The following PRMT7 variants were observed in gnomAD, a reference collection of about 807,000 sequenced individuals.
PRMT7 encodes protein arginine methyltransferase 7.
Under a neutral mutation model 85.4 loss-of-function variants are expected in PRMT7, and 75 were observed. That is an observed-to-expected ratio of 0.88 (90% CI 0.73 to 1.06). The LOEUF (loss-of-function observed/expected upper bound fraction) is 1.06, where lower values mean the gene tolerates loss of function less well. PRMT7 is among the 50% of genes least tolerant of loss of function. The probability of loss-of-function intolerance (pLI) is 0.00; values close to 1 mark genes in which losing one functional copy is unlikely to be tolerated. For missense variants in PRMT7, 868 were observed against 915.2 expected (o/e 0.95, Z 0.67); for synonymous variants, 397 against 359.5 (o/e 1.10, Z -1.18).
At chr16:68,358,716 CCTTT>C (rs2089006769), downstream of PRMT7, 2 of 152,532 alleles carry the variant, frequency 1.3e-5, no homozygotes, top group African/African-American at 2.4e-5. Context: ...CTTGTGGCTT[CCTTT>C]GAGACTGGGC....
intron 11 of PRMT7, among the ~76,000 whole-genome samples, chr16:68,346,857 G>C (rs2151835648): frequency 6.6e-6 from 1 of 152,240 alleles, no homozygotes; most frequent in Admixed American, 6.5e-5. Context: ...CTTGCCTTTG[G>C]GCAGTCAATT....
At chr16:68,353,151 A>G (rs1204947362) in intron 15 of PRMT7, among the ~76,000 whole-genome samples, 1 of 151,894 alleles carries the variant, frequency 6.6e-6, no homozygotes, top group Non-Finnish European at 1.5e-5. Flanking sequence ...CATCCTCATG[A>G]ACTGGAGATG....
At chr16:68,334,699 C>A (rs2084396707) in intron 6 of PRMT7, among the ~76,000 whole-genome samples, 1 of 152,144 alleles carries the variant, frequency 6.6e-6, no homozygotes, top group South Asian at 2.1e-4. Context: ...GACTCCCCCA[C>A]CCCGTGCCCT....
At position 68,357,063 on chromosome 16, in the gene PRMT7, T is replaced by C; in HGVS notation, c.1918T>C (p.Cys640Arg). Reference sequence around the variant, plus strand: ...GCTCTTCTTCCTACAGGGGGGCTGCTGCTGGAACCCCCACTGCAAGCAGGC... The same window carrying C: ...GCTCTTCTTCCTACAGGGGGGCTGCCGCTGGAACCCCCACTGCAAGCAGGC... ...LEPADPEGGCCWNPHCKQAVY... is the reference protein window; with the variant it reads ...LEPADPEGGCRWNPHCKQAVY... The change falls in exon 19 of 19, where the codon TGC becomes CGC. Residue 640 changes from cysteine (C) to arginine (R), a missense_variant. Transcript: ENST00000441236. 6.2e-7 allele frequency: 1 copy of C among 1,608,104 alleles called. No homozygotes were observed. Among genetic ancestry groups the C allele is most frequent in the Non-Finnish European group, 8.5e-7 (1 of 1,177,052 alleles).
rs767111997 is a variant in PRMT7, at chr16:68,345,671, T to G, written c.928-4T>G. The G allele has an allele frequency of 6.2e-6, 10 of 1,613,536 alleles. No homozygotes were observed. Among genetic ancestry groups the G allele is most frequent in the African/African-American group, 1.3e-5 (1 of 74,930 alleles). ...TTGACAGCTGACTCTGTTCTCCGTT[T>G]CAGTGGCGGGACCACTGGATGCAGT... On this transcript the variant is annotated splice_polypyrimidine_tract_variant and splice_region_variant and intron_variant, in intron 9 of 18. Coordinates refer to ENST00000441236, the MANE Select transcript of PRMT7 (RefSeq NM_019023.5).
chr16:68,339,795 T>C lies in PRMT7; in HGVS notation c.754T>C (p.Phe252Leu). 1 of 1,613,556 alleles carries C rather than the reference T, an allele frequency of 6.2e-7. No individual in the cohort carries two copies. The highest frequency in any genetic ancestry group is 8.5e-7 in the Non-Finnish European group (1 of 1,179,406). ...SDVLPMFSIDFSKQVSSSAAC... is the reference protein window; with the variant it reads ...SDVLPMFSIDLSKQVSSSAAC... ...TTGAATATTATTCCTCAGCATAGAC[T>C]TCAGCAAGCAAGTCAGTAGCTCAGC... The change falls in exon 9 of 19, where the codon TTC (phenylalanine) becomes CTC (leucine). Residue 252 changes from phenylalanine (F) to leucine (L), a missense_variant. Phe to Leu is a conservative substitution (Grantham distance 22). Transcript: ENST00000441236.
At chr16:68,345,300 A>G (rs1400789936) in intron 9 of PRMT7, among the ~76,000 whole-genome samples, 1 of 152,236 alleles carries the variant, frequency 6.6e-6, no homozygotes, top group Non-Finnish European at 1.5e-5. Context: ...GGTTCCCCTT[A>G]AACCACTAGG....
chr16:68,345,838 CTGAGACT>C (rs1259535642), intron 10 of PRMT7, 36 bp downstream of exon 10: 1 of 1,611,712 alleles, frequency 6.2e-7, no homozygotes, highest in African/African-American at 1.3e-5. Flanking sequence ...GGATGAGCCT[CTGAGACT>C]TGTATGTAAA....
At chr16:68,335,517 CAG>C (rs2084540638) in intron 6 of PRMT7, among the ~76,000 whole-genome samples, 1 of 151,898 alleles carries the variant, frequency 6.6e-6, no homozygotes, top group African/African-American at 2.4e-5. Flanking sequence ...TGGCAGAAGA[CAG>C]AAGTTTCTTC....
chr16:68,359,408 C>G (rs2089096745), downstream of PRMT7: 1 of 152,708 alleles, frequency 6.5e-6, no homozygotes, highest in East Asian at 1.9e-4. Context: ...AGGGCTTGGG[C>G]CCGGGCAGAC....
At chr16:68,345,924 C>G in intron 10 of PRMT7, 122 bp downstream of exon 10, 3 of 1,454,808 alleles carry the variant, frequency 2.1e-6, no homozygotes, top group Non-Finnish European at 2.8e-6. Flanking sequence ...AACATAAGAA[C>G]AAAGATTTGT....
At chr16:68,341,915 C>T (rs2085599659) in intron 9 of PRMT7, among the ~76,000 whole-genome samples, 2 of 152,242 alleles carry the variant, frequency 1.3e-5, no homozygotes, top group Non-Finnish European at 2.9e-5. Flanking sequence ...TCAGCCTCCT[C>T]TCATCCTCCT....
intron 5 of PRMT7, among the ~76,000 whole-genome samples, chr16:68,326,309 G>GATC (rs1417667083): frequency 1.3e-5 from 2 of 152,132 alleles, no homozygotes; most frequent in African/African-American, 4.8e-5. Context: ...TTCGTGGCGT[G>GATC]ATCTCTATTC....
intron 3 of PRMT7, among the ~76,000 whole-genome samples, chr16:68,317,853 A>C (rs1438699784): frequency 1.3e-5 from 2 of 150,184 alleles, no homozygotes. Context: ...AAGAAAAAAA[A>C]CCACACACAC....
rs761252569 is a variant in PRMT7, at chr16:68,348,394, C to T, written c.1376C>T (p.Pro459Leu). ...AAAATTAACATCATAGAGAAACGGCCGGAATTATTAACAAATGAGGACCTA... is the reference window on the plus strand; with the variant it reads ...AAAATTAACATCATAGAGAAACGGCTGGAATTATTAACAAATGAGGACCTA... ...EDKINIIEKRPELLTNEDLQG... is the reference protein window; with the variant it reads ...EDKINIIEKRLELLTNEDLQG... Residue 459 changes from proline to leucine, a missense_variant, in exon 14 of 19, where the codon CCG (proline) becomes CTG (leucine). Transcript: ENST00000441236. 1.1e-5 allele frequency: 17 copies of T among 1,612,724 alleles called. No homozygotes were observed. The highest frequency in any genetic ancestry group is 6.6e-5 in the South Asian group (6 of 91,020).
chr16:68,323,048 G>C (rs940821283), intron 4 of PRMT7, among the ~76,000 whole-genome samples: 1 of 151,968 alleles, frequency 6.6e-6, no homozygotes, highest in South Asian at 2.1e-4. Context: ...AAAAATTGTG[G>C]TAAAAACACA....
At chr16:68,335,587 CTT>C (rs879500343) in intron 6 of PRMT7, among the ~76,000 whole-genome samples, 3 of 143,702 alleles carry the variant, frequency 2.1e-5, no homozygotes, top group East Asian at 2.0e-4. Flanking sequence ...AGGAAGTGTG[CTT>C]TTTTTTTTTT....
chr16:68,334,313 CTT>C (rs1036799035), intron 6 of PRMT7, among the ~76,000 whole-genome samples: 1 of 152,152 alleles, frequency 6.6e-6, no homozygotes, highest in African/African-American at 2.4e-5. Context: ...GTAAATGTGA[CTT>C]TGTTTCCGAT....
At position 68,315,955 on chromosome 16, in the gene PRMT7, T is replaced by C. The variant is rs962606255; in HGVS notation, c.-25T>C. 1.2e-6 allele frequency: 2 copies of C among 1,609,090 alleles called. No individual in the cohort carries two copies. Among genetic ancestry groups the C allele is most frequent in the Admixed American group, 1.7e-5 (1 of 59,958 alleles). On this transcript the variant is annotated 5_prime_UTR_variant, in exon 3 of 19. Coordinates refer to ENST00000441236, the MANE Select transcript of PRMT7 (RefSeq NM_019023.5). ...AACTGGCAAGGCTGCTTTTCTGTGCTAAAACTGGGGAGCTAGTGGGCACCA... is the reference window on the plus strand; with the variant it reads ...AACTGGCAAGGCTGCTTTTCTGTGCCAAAACTGGGGAGCTAGTGGGCACCA...
Sources: allele counts gnomAD v4.1 joint callset (sites outside exome capture counted in the v4.1 genomes callset), GRCh38; gene constraint gnomAD v4.1.1; transcripts MANE v1.5; gene names NCBI Gene and HGNC (gene_info 2026-07-23, HGNC 2026-07-21).